NTRK3: variants seen among roughly 807,000 people sequenced by gnomAD.
The protein encoded by NTRK3 is NT-3 growth factor receptor.
In NTRK3, 24 loss-of-function variants were observed where a neutral mutation model predicts 91.7. That is an observed-to-expected ratio of 0.26 (90% CI 0.19 to 0.37). The LOEUF (loss-of-function observed/expected upper bound fraction) is 0.37, where lower values mean the gene tolerates loss of function less well. NTRK3 is among the 10% of genes least tolerant of loss of function. NTRK3 has a pLI of 1.00. For missense variants in NTRK3, 880 were observed against 1,068.9 expected (o/e 0.82, Z 2.46); for synonymous variants, 483 against 404.0 (o/e 1.20, Z -2.34).
chr15:88,181,090 A>G (rs1022787710), intron 5 of NTRK3, among the ~76,000 whole-genome samples: 7 of 152,094 alleles, frequency 4.6e-5, no homozygotes, highest in Admixed American at 2.6e-4. Context: ...CCCCTAATGC[A>G]CAGACAGACT....
At chr15:88,076,526 T>G (rs1006235371) in intron 13 of NTRK3, among the ~76,000 whole-genome samples, 3 of 152,100 alleles carry the variant, frequency 2.0e-5, no homozygotes, top group Non-Finnish European at 4.4e-5. Context: ...ATGGTTTCAT[T>G]TATTCAAATA....
intron 13 of NTRK3, among the ~76,000 whole-genome samples, chr15:88,043,922 G>T (rs2079892111): frequency 6.6e-6 from 1 of 151,952 alleles, no homozygotes; most frequent in Non-Finnish European, 1.5e-5. Context: ...GGGTATCCAG[G>T]GTATGTCTCA....
chr15:87,954,901 T>G (rs1360725998), intron 14 of NTRK3, among the ~76,000 whole-genome samples: 6 of 152,222 alleles, frequency 3.9e-5, no homozygotes, highest in Non-Finnish European at 7.3e-5. Flanking sequence ...TCATTTCTCA[T>G]GCACAAGTAG....
intron 5 of NTRK3, among the ~76,000 whole-genome samples, chr15:88,163,049 T>G (rs2044614005): frequency 6.6e-6 from 1 of 152,106 alleles, no homozygotes; most frequent in Admixed American, 6.5e-5. Context: ...TATCTGGATG[T>G]CTCTCTCCCT....
intron 13 of NTRK3, among the ~76,000 whole-genome samples, chr15:88,093,092 G>A (rs1331325883): frequency 6.9e-6 from 1 of 145,298 alleles, no homozygotes; most frequent in Admixed American, 6.9e-5. Context: ...TTTTTTGTTG[G>A]GGAGACAACC....
intron 3 of NTRK3, among the ~76,000 whole-genome samples, chr15:88,209,638 C>T (rs1003336158): frequency 5.3e-5 from 8 of 152,222 alleles, no homozygotes; most frequent in African/African-American, 1.7e-4. Context: ...GGGTCAGAGC[C>T]GTCTGGCAGG....
intron 13 of NTRK3, among the ~76,000 whole-genome samples, chr15:88,057,942 C>A (rs570130023): frequency 1.3e-5 from 2 of 152,358 alleles, no homozygotes; most frequent in East Asian, 1.9e-4. Flanking sequence ...GGCTGACACA[C>A]CACTGACACA....
chr15:88,130,711 T>C (rs748326622), intron 10 of NTRK3, among the ~76,000 whole-genome samples: 4 of 152,194 alleles, frequency 2.6e-5, no homozygotes, highest in Non-Finnish European at 1.5e-5. Flanking sequence ...CTAGTATTCT[T>C]GCAAAGTTCC....
chr15:87,978,975 TTCA>T (rs2073964655), intron 14 of NTRK3: 2 of 366,166 alleles, frequency 5.5e-6, no homozygotes, highest in East Asian at 9.0e-5. Context: ...ACGGCTGGAC[TTCA>T]TCAGGCTTTC....
chr15:88,016,667 T>C (rs1198384788), intron 14 of NTRK3, among the ~76,000 whole-genome samples: 1 of 152,218 alleles, frequency 6.6e-6, no homozygotes, highest in Non-Finnish European at 1.5e-5. Context: ...AAGAGACCTG[T>C]CATTTATTTA....
intron 13 of NTRK3, among the ~76,000 whole-genome samples, chr15:88,066,238 T>C (rs2046639416): frequency 6.6e-6 from 1 of 152,182 alleles, no homozygotes; most frequent in Non-Finnish European, 1.5e-5. Flanking sequence ...ACGTCAGACA[T>C]GTAGGGAGAA....
At chr15:88,064,775 T>C (rs1050600361) in intron 13 of NTRK3, among the ~76,000 whole-genome samples, 2 of 152,202 alleles carry the variant, frequency 1.3e-5, no homozygotes, top group Non-Finnish European at 2.9e-5. Context: ...CCCAGTCCCA[T>C]TCTAGACTCA....
At chr15:88,009,589 C>A (rs549913537) in intron 14 of NTRK3, among the ~76,000 whole-genome samples, 2 of 152,172 alleles carry the variant, frequency 1.3e-5, no homozygotes, top group African/African-American at 4.8e-5. Flanking sequence ...AAGAATGATA[C>A]GCTCTGCATA....
chr15:88,155,290 A>G (rs2043785872), intron 5 of NTRK3, among the ~76,000 whole-genome samples: 1 of 152,230 alleles, frequency 6.6e-6, no homozygotes, highest in East Asian at 1.9e-4. Flanking sequence ...AAGACATTCA[A>G]TGTTGCTGGC....
intron 5 of NTRK3, among the ~76,000 whole-genome samples, chr15:88,175,992 T>G (rs4887376): frequency 0.54 from 82,505 of 152,004 alleles, 24,561 homozygotes; most frequent in African/African-American, 0.81. Context: ...TGAGAAGAAA[T>G]CTCAAAGAGG....
chr15:87,889,999 C>G (rs1345008885), intron 17 of NTRK3, among the ~76,000 whole-genome samples: 1 of 144,330 alleles, frequency 6.9e-6, no homozygotes, highest in African/African-American at 2.6e-5. Flanking sequence ...GTTGATGATC[C>G]CGGGTCACTT....
intron 3 of NTRK3, among the ~76,000 whole-genome samples, chr15:88,191,387 C>T (rs2047376988): frequency 6.6e-6 from 1 of 152,126 alleles, no homozygotes; most frequent in Non-Finnish European, 1.5e-5. Flanking sequence ...AGGGTTATAC[C>T]ATGTTGGCCA....
intron 13 of NTRK3, among the ~76,000 whole-genome samples, chr15:88,074,996 C>T (rs191195553): frequency 9.5e-4 from 145 of 152,328 alleles, no homozygotes; most frequent in African/African-American, 2.7e-3. Context: ...TTCCACTCCA[C>T]GATTCCTGTC....
At chr15:88,159,208 A>G (rs1277674276) in intron 5 of NTRK3, among the ~76,000 whole-genome samples, 3 of 152,230 alleles carry the variant, frequency 2.0e-5, no homozygotes, top group Admixed American at 6.5e-5. Context: ...AGATTAAAGG[A>G]AAATCTATGA....
Sources: allele counts gnomAD v4.1 joint callset (sites outside exome capture counted in the v4.1 genomes callset), GRCh38; gene constraint gnomAD v4.1.1; transcripts MANE v1.5; gene names NCBI Gene and HGNC (gene_info 2026-07-23, HGNC 2026-07-21).